EIF3B: variants seen among roughly 807,000 people sequenced by gnomAD.
The protein encoded by EIF3B is eukaryotic translation initiation factor 3 subunit 9.
Under a neutral mutation model 104.6 loss-of-function variants are expected in EIF3B, and 10 were observed. The ratio of observed to expected loss-of-function variants is 0.10; its 90% CI spans 0.06 to 0.16. The LOEUF (loss-of-function observed/expected upper bound fraction) is 0.16, where lower values mean the gene tolerates loss of function less well. EIF3B is among the 10% of genes least tolerant of loss of function. The pLI, the probability that EIF3B is intolerant of heterozygous loss-of-function variation, is 1.00. For missense variants in EIF3B, 1,014 were observed against 1,087.9 expected (o/e 0.93, Z 0.96); for synonymous variants, 542 against 417.2 (o/e 1.30, Z -3.65).
rs1285846129 is a variant in EIF3B at position 2,362,517 on chromosome 7, C to T, written c.693-128C>T. The T allele has an allele frequency of 7.5e-6, 9 of 1,198,436 alleles. No homozygotes were observed. The South Asian group carries it at 8.7e-5, about 12-fold the overall frequency. 74.2% of individuals were successfully genotyped at this position (1,198,436 alleles called of 1,614,324 possible). A position where few individuals can be genotyped will look rare whatever the true frequency, so the allele number is the denominator to read the frequency against. ...GTCCCCCGTGTGACTGCCTTAGGCT[C>T]GAGGCAGGAAGAGCAGCACAGATAC... On this transcript the variant is annotated intron_variant, in intron 2 of 18. Transcript: ENST00000360876.
intron 1 of EIF3B, among the ~76,000 whole-genome samples, chr7:2,357,277 C>T (rs759522015): frequency 2.0e-5 from 3 of 152,152 alleles, no homozygotes; most frequent in Non-Finnish European, 4.4e-5. Flanking sequence ...AGCGGGCCCA[C>T]GTGGCCCTGA....
intron 1 of EIF3B, among the ~76,000 whole-genome samples, chr7:2,359,739 G>C (rs1360087001): frequency 6.6e-6 from 1 of 152,194 alleles, no homozygotes; most frequent in African/African-American, 2.4e-5. Flanking sequence ...CCAGTCTTTG[G>C]GGCTGAGCCT....
At chr7:2,356,568 A>T (rs1360047799) in intron 1 of EIF3B, among the ~76,000 whole-genome samples, 1 of 147,806 alleles carries the variant, frequency 6.8e-6, no homozygotes, top group East Asian at 2.0e-4. Context: ...CTGCCACTGC[A>T]CTCCATCCTG....
intron 13 of EIF3B, 109 bp downstream of exon 13, chr7:2,374,715 T>C: frequency 1.9e-6 from 2 of 1,041,468 alleles, no homozygotes; most frequent in South Asian, 3.0e-5. Context: ...TATTGTGCGC[T>C]GAAAGGGTTG....
rs539471421 is a variant in EIF3B, at chr7:2,354,900, G to T, written c.-22G>T. 2 of 1,179,388 alleles carry T rather than the reference G, an allele frequency of 1.7e-6. No homozygotes were observed. The highest frequency in any genetic ancestry group is 8.5e-5 in the East Asian group (2 of 23,508). The allele number at this position is 1,179,388 out of a possible 1,614,324, so 73.1% of individuals were successfully genotyped here. On this transcript the variant is annotated 5_prime_UTR_variant, in exon 1 of 19. Coordinates refer to ENST00000360876, the MANE Select transcript of EIF3B (RefSeq NM_001037283.2). Reference sequence around the variant, plus strand: ...GGAAGCGCGGCGGCCGCGGAGCCCTGCGAGTAGGCAGCGTTGGGCCCATGC... The same window carrying T: ...GGAAGCGCGGCGGCCGCGGAGCCCTTCGAGTAGGCAGCGTTGGGCCCATGC...
chr7:2,366,654 C>A (rs1365396352), intron 8 of EIF3B, 63 bp downstream of exon 8: 2 of 1,574,284 alleles, frequency 1.3e-6, no homozygotes, highest in Admixed American at 1.7e-5. Context: ...GGGTGTGGTG[C>A]CTTTCCTTAT....
chr7:2,355,959 C>G (rs183247970), intron 1 of EIF3B, among the ~76,000 whole-genome samples: 16 of 152,108 alleles, frequency 1.1e-4, no homozygotes, highest in Non-Finnish European at 1.9e-4. Flanking sequence ...TTTGATTTTT[C>G]TTTATCTCTT....
intron 12 of EIF3B, chr7:2,373,087 T>G: frequency 4.2e-6 from 1 of 239,252 alleles, no homozygotes; most frequent in Non-Finnish European, 8.1e-6. Flanking sequence ...TGGCTGTAGC[T>G]GCTGTCCCTG....
At chr7:2,371,742 C>T (rs2115322765) in intron 10 of EIF3B, 35 bp from the exon 11 acceptor site, 1 of 1,489,824 alleles carries the variant, frequency 6.7e-7, no homozygotes, top group Non-Finnish European at 9.4e-7. Flanking sequence ...TTTCACTGTC[C>T]AGAATGTCAC....
At chr7:2,362,946 G>A (rs940415477) in intron 3 of EIF3B, 124 bp from the exon 4 acceptor site, 3 of 1,442,322 alleles carry the variant, frequency 2.1e-6, no homozygotes, top group Non-Finnish European at 2.9e-6. Context: ...ACCCCTCCCT[G>A]TTATGCCAGT....
chr7:2,367,141 G>A, intron 9 of EIF3B, 96 bp downstream of exon 9: 17 of 1,166,556 alleles, frequency 1.5e-5, no homozygotes, highest in Non-Finnish European at 1.8e-5. Flanking sequence ...AGGCTGGGTG[G>A]CTTATGACAG....
intron 9 of EIF3B, among the ~76,000 whole-genome samples, chr7:2,368,017 A>G (rs1244451615): frequency 6.7e-6 from 1 of 149,566 alleles, no homozygotes; most frequent in East Asian, 2.0e-4. Flanking sequence ...TAATTTTTGT[A>G]TTTTTAGTAG....
At chr7:2,367,822 AAAATT>A (rs1780108711) in intron 9 of EIF3B, among the ~76,000 whole-genome samples, 1 of 114,072 alleles carries the variant, frequency 8.8e-6, no homozygotes, top group East Asian at 3.2e-4. Flanking sequence ...TTCTTTTTTT[AAAATT>A]TTTTTTTTTT....
chr7:2,366,796 C>G (rs1335738188), intron 8 of EIF3B: 2 of 800,868 alleles, frequency 2.5e-6, no homozygotes, highest in African/African-American at 3.5e-5. Flanking sequence ...CGTGGGAAGT[C>G]CTGGATGGGA....
At chr7:2,366,709 G>A in intron 8 of EIF3B, 118 bp downstream of exon 8, 1 of 1,197,284 alleles carries the variant, frequency 8.4e-7, no homozygotes, top group African/African-American at 1.5e-5. Context: ...GCATAGGAAA[G>A]GCCTGTCTCC....
In EIF3B at chr7:2,372,677, C is replaced by T. The variant is rs767125998; in HGVS notation, c.1692C>T (p.Thr564=). Reference sequence around the variant, plus strand: ...GGTCTGTTTTGTGCATTTTAGAAACCATCATAGCCTTTGCCTGGGAACCAA... The same window carrying T: ...GGTCTGTTTTGTGCATTTTAGAAACTATCATAGCCTTTGCCTGGGAACCAA... The part of the protein sequence containing the change: ...VPVDVVEMKE[T]IIAFAWEPNG... The change falls in exon 12 of 19, where the codon ACC becomes ACT. Residue 564 remains threonine (T), a synonymous_variant. Coordinates refer to ENST00000360876, the MANE Select transcript of EIF3B (RefSeq NM_001037283.2). The T allele has an allele frequency of 1.2e-6, 2 of 1,613,450 alleles. No individual in the cohort carries two copies. Among genetic ancestry groups the T allele is most frequent in the East Asian group, 2.2e-5 (1 of 44,884 alleles).
chr7:2,366,187 G>A (rs1780018138), intron 6 of EIF3B, 130 bp from the exon 7 acceptor site: 1 of 953,582 alleles, frequency 1.0e-6, no homozygotes, highest in South Asian at 1.8e-5. Context: ...GGGTCTCTTG[G>A]GGCCGGGCAG....
intron 5 of EIF3B, 83 bp from the exon 6 acceptor site, chr7:2,364,289 C>T: frequency 1.6e-6 from 2 of 1,283,280 alleles, no homozygotes; most frequent in East Asian, 2.5e-5. Flanking sequence ...AGAACAGATT[C>T]ATTGTAGGAT....
chr7:2,361,644 C>T (rs192492081), intron 2 of EIF3B, among the ~76,000 whole-genome samples: 176 of 152,274 alleles, frequency 1.2e-3, no homozygotes, highest in African/African-American at 4.1e-3. Flanking sequence ...TGGTCTCGAT[C>T]TCCTGACCTT....
Sources: allele counts gnomAD v4.1 joint callset (sites outside exome capture counted in the v4.1 genomes callset), GRCh38; gene constraint gnomAD v4.1.1; transcripts MANE v1.5; gene names NCBI Gene and HGNC (gene_info 2026-07-23, HGNC 2026-07-21).